Variants in ADCY2 observed in about 807,000 individuals in gnomAD.
The protein encoded by ADCY2 is adenylate cyclase 2.
Under a neutral mutation model 125.2 loss-of-function variants are expected in ADCY2, and 31 were observed. The ratio of observed to expected loss-of-function variants is 0.25; its 90% confidence interval spans 0.19 to 0.33. ADCY2 has a LOEUF of 0.33. Ranked by LOEUF, ADCY2 falls within the 10% of genes least tolerant of loss-of-function variation. The pLI is 1.00. For synonymous variants in ADCY2, 512 were observed against 548.4 expected (o/e 0.93, Z 0.93); for missense variants, 904 against 1,418.2 (o/e 0.64, Z 5.82).
chr5:7,564,401 A>G (rs1191210964), intron 3 of ADCY2, among the ~76,000 whole-genome samples: 1 of 152,204 alleles, frequency 6.6e-6, no homozygotes, highest in Non-Finnish European at 1.5e-5. Flanking sequence ...AACAATAACC[A>G]TGGCCTACTA....
chr5:7,610,643 G>T (rs775908588), intron 3 of ADCY2, among the ~76,000 whole-genome samples: 1 of 152,128 alleles, frequency 6.6e-6, no homozygotes, highest in Non-Finnish European at 1.5e-5. Context: ...GAAGGGTGTT[G>T]TTAGCTAAGG....
At chr5:7,480,717 A>G (rs912279445) in intron 2 of ADCY2, among the ~76,000 whole-genome samples, 2 of 150,892 alleles carry the variant, frequency 1.3e-5, no homozygotes, top group Non-Finnish European at 2.9e-5. Flanking sequence ...AAGTTTACCT[A>G]TATAACAAAC....
At chr5:7,513,563 A>G (rs1474236335) in intron 2 of ADCY2, among the ~76,000 whole-genome samples, 1 of 152,224 alleles carries the variant, frequency 6.6e-6, no homozygotes, top group Non-Finnish European at 1.5e-5. Context: ...TGAGATATAG[A>G]TGACATCCAA....
intron 3 of ADCY2, among the ~76,000 whole-genome samples, chr5:7,593,264 C>A (rs1397850934): frequency 6.6e-6 from 1 of 152,158 alleles, no homozygotes; most frequent in Non-Finnish European, 1.5e-5. Flanking sequence ...CAAAGACACC[C>A]ACACACAACC....
chr5:7,775,211 A>G lies in ADCY2; in HGVS notation c.2384+2110A>G, dbSNP rs764858786. ...TGTGTGTGTGTGTGTGTGTGTGTGT[A>G]TGCACACACATACATATACATATAC... On this transcript the variant is annotated intron_variant, in intron 18 of 24. Coordinates refer to ENST00000338316, the MANE Select transcript of ADCY2 (RefSeq NM_020546.3). Among the ~76,000 whole-genome samples the G allele has an allele frequency of 1.0e-2, 977 of 98,138 alleles. 4 individuals carry two copies. The highest frequency in any genetic ancestry group is 0.016 in the Non-Finnish European group (685 of 42,908). 64.4% of individuals were successfully genotyped at this position (98,138 alleles called of 152,430 possible).
At chr5:7,415,888 T>C (rs1739921493) in intron 2 of ADCY2, among the ~76,000 whole-genome samples, 1 of 151,910 alleles carries the variant, frequency 6.6e-6, no homozygotes, top group Admixed American at 6.6e-5. Flanking sequence ...ACATGGAGTT[T>C]TGAAGCCATC....
chr5:7,544,684 T>A (rs567481359), intron 3 of ADCY2, among the ~76,000 whole-genome samples: 1 of 152,248 alleles, frequency 6.6e-6, no homozygotes, highest in Non-Finnish European at 1.5e-5. Flanking sequence ...CCCCTGGGGA[T>A]TAGAACGTGG....
At chr5:7,614,342 G>A (rs771981218) in intron 3 of ADCY2, among the ~76,000 whole-genome samples, 1 of 152,058 alleles carries the variant, frequency 6.6e-6, no homozygotes. Context: ...CATCTGCCCT[G>A]TCCTTCCTTT....
chr5:7,798,849 G>A (rs908069686), intron 20 of ADCY2: 4 of 152,180 alleles, frequency 2.6e-5, no homozygotes, highest in South Asian at 2.1e-4. Context: ...TTACAGGCGT[G>A]AGCCAACGCG....
intron 4 of ADCY2, among the ~76,000 whole-genome samples, chr5:7,652,206 A>C (rs1739120632): frequency 6.6e-6 from 1 of 152,208 alleles, no homozygotes; most frequent in African/African-American, 2.4e-5. Flanking sequence ...CAGAACTATG[A>C]ACAGTACAAG....
At chr5:7,403,304 C>T (rs1002233378) in intron 1 of ADCY2, among the ~76,000 whole-genome samples, 2 of 152,054 alleles carry the variant, frequency 1.3e-5, no homozygotes, top group African/African-American at 2.4e-5. Flanking sequence ...AAATTAAATA[C>T]GGAGATCAGG....
chr5:7,682,705 A>G (rs1024072947), intron 4 of ADCY2, among the ~76,000 whole-genome samples: 1 of 152,188 alleles, frequency 6.6e-6, no homozygotes, highest in African/African-American at 2.4e-5. Flanking sequence ...TATGCTTTTC[A>G]GAGGAGCCTC....
At chr5:7,728,080 A>G (rs1290178526) in intron 14 of ADCY2, among the ~76,000 whole-genome samples, 2 of 152,032 alleles carry the variant, frequency 1.3e-5, no homozygotes, top group Non-Finnish European at 2.9e-5. Context: ...TTTCTTTCTT[A>G]ACCTATTTTG....
chr5:7,755,940 A>C (rs1021065359), intron 15 of ADCY2, among the ~76,000 whole-genome samples: 5 of 152,254 alleles, frequency 3.3e-5, no homozygotes, highest in African/African-American at 1.2e-4. Flanking sequence ...CTGATGTCAC[A>C]CCAGCTTTGT....
At chr5:7,702,432 T>C (rs961889382) in intron 7 of ADCY2, among the ~76,000 whole-genome samples, 2 of 150,326 alleles carry the variant, frequency 1.3e-5, no homozygotes, top group Non-Finnish European at 3.0e-5. Flanking sequence ...CCTGTGTCCA[T>C]GTGTTCTCAT....
chr5:7,456,236 G>A (rs1380549928), intron 2 of ADCY2, among the ~76,000 whole-genome samples: 1 of 152,124 alleles, frequency 6.6e-6, no homozygotes, highest in East Asian at 1.9e-4. Context: ...GTAAAAGTCA[G>A]TTTTCTAGAT....
At chr5:7,625,497 T>A (rs986207631) in intron 3 of ADCY2, among the ~76,000 whole-genome samples, 1 of 152,240 alleles carries the variant, frequency 6.6e-6, no homozygotes, top group African/African-American at 2.4e-5. Context: ...AGTTTGTCTT[T>A]ATATCTTTGT....
At chr5:7,768,438 G>A (rs1259074377) in intron 17 of ADCY2, among the ~76,000 whole-genome samples, 4 of 152,078 alleles carry the variant, frequency 2.6e-5, no homozygotes, top group African/African-American at 7.2e-5. Context: ...CTGGTTGCTG[G>A]GAAGAGAGTG....
intron 14 of ADCY2, among the ~76,000 whole-genome samples, chr5:7,740,187 T>C (rs1742368677): frequency 6.6e-6 from 1 of 151,882 alleles, no homozygotes; most frequent in African/African-American, 2.4e-5. Context: ...AAACAGCTTA[T>C]AGAATAAAGG....
Sources: gnomAD v4.1 joint callset for allele counts (sites outside exome capture counted in the v4.1 genomes callset) on GRCh38, gnomAD v4.1.1 for gene constraint, MANE v1.5 for transcripts, NCBI Gene and HGNC (gene_info 2026-07-23, HGNC 2026-07-21) for gene names.